The following WIPF1 variants were observed in gnomAD, a reference collection of about 807,000 sequenced individuals.
WIPF1 encodes WAS/WASL interacting protein family member 1.
In WIPF1, 13 loss-of-function variants were observed where a neutral mutation model predicts 35.4. That is an observed-to-expected ratio of 0.37 (90% CI 0.24 to 0.58). The LOEUF (loss-of-function observed/expected upper bound fraction) is 0.58, where lower values mean the gene tolerates loss of function less well. Ranked by LOEUF, WIPF1 falls within the 20% of genes least tolerant of loss-of-function variation. The pLI, the probability that WIPF1 is intolerant of heterozygous loss-of-function variation, is 0.74. For synonymous variants in WIPF1, 267 were observed against 266.3 expected, an observed-to-expected ratio of 1.00 and a Z score of -0.02; for missense variants, 591 against 667.0, an observed-to-expected ratio of 0.89 and a Z score of 1.25.
intron 3 of WIPF1, among the ~76,000 whole-genome samples, chr2:174,577,068 C>T (rs979417182): frequency 6.6e-6 from 1 of 152,072 alleles, no homozygotes; most frequent in South Asian, 2.1e-4. Flanking sequence ...TTATGATATA[C>T]ATTACACATG....
chr2:174,565,038 C>T (rs570995195), intron 7 of WIPF1, among the ~76,000 whole-genome samples: 3 of 151,692 alleles, frequency 2.0e-5, no homozygotes, highest in East Asian at 1.9e-4. Context: ...TGGGATTACA[C>T]GCATGCGCCC....
intron 1 of WIPF1, among the ~76,000 whole-genome samples, chr2:174,646,966 GA>G (rs1168903967): frequency 6.6e-6 from 1 of 152,150 alleles, no homozygotes; most frequent in Non-Finnish European, 1.5e-5. Flanking sequence ...AGGATATTCA[GA>G]AATCAAACGG....
chr2:174,645,440 G>T (rs115958288), intron 1 of WIPF1, among the ~76,000 whole-genome samples: 155 of 152,300 alleles, frequency 1.0e-3, no homozygotes, highest in African/African-American at 3.2e-3. Flanking sequence ...GGTAACTGTG[G>T]CAAGATATGG....
At chr2:174,618,708 G>A (rs1686587766) in intron 1 of WIPF1, among the ~76,000 whole-genome samples, 1 of 152,034 alleles carries the variant, frequency 6.6e-6, no homozygotes, top group African/African-American at 2.4e-5. Flanking sequence ...TTTGACCAAG[G>A]CCACAGAGCT....
chr2:174,591,997 T>C (rs1685631897), intron 1 of WIPF1, among the ~76,000 whole-genome samples: 1 of 152,164 alleles, frequency 6.6e-6, no homozygotes, highest in Non-Finnish European at 1.5e-5. Flanking sequence ...AGGTCAACCA[T>C]AGCTCACAGT....
Position 174,631,019 on chromosome 2 carries a change from T to A in WIPF1, c.-38-45408A>T, listed in dbSNP as rs989956088. ...TTATAATATGAGGTATCTTCAAGTT[T>A]GTGTTTTGGGAGGAAGAGTGGTATA... On this transcript the variant is annotated intron_variant, in intron 1 of 8. Coordinates refer to the WIPF1 transcript ENST00000272746. Among the ~76,000 whole-genome samples the A allele has an allele frequency of 5.9e-5, 9 of 152,348 alleles. No homozygotes were observed. In the East Asian group the frequency reaches 1.5e-3, roughly 26 times the overall value.
At chr2:174,662,425 C>G (rs965826590) in intron 1 of WIPF1, among the ~76,000 whole-genome samples, 7 of 152,200 alleles carry the variant, frequency 4.6e-5, no homozygotes, top group African/African-American at 1.7e-4. Flanking sequence ...CTGTTAGCCT[C>G]TAGAGGACAG....
intron 1 of WIPF1, chr2:174,655,650 C>T (rs930389678): frequency 2.0e-5 from 3 of 152,190 alleles, no homozygotes; most frequent in Non-Finnish European, 4.4e-5. Flanking sequence ...CAACCATCTC[C>T]ACAGGATGAC....
intron 1 of WIPF1, among the ~76,000 whole-genome samples, chr2:174,647,208 A>G (rs971412995): frequency 2.6e-5 from 4 of 152,060 alleles, no homozygotes; most frequent in East Asian, 1.9e-4. Context: ...CCTGTCTCCA[A>G]AACATTTTTT....
intron 1 of WIPF1, among the ~76,000 whole-genome samples, chr2:174,682,229 C>T (rs1688263945): frequency 6.6e-6 from 1 of 152,188 alleles, no homozygotes; most frequent in South Asian, 2.1e-4. Flanking sequence ...CGACCTGGGG[C>T]GAGCGGGCCG....
chr2:174,652,266 T>C (rs1687548366), intron 1 of WIPF1, among the ~76,000 whole-genome samples: 1 of 152,184 alleles, frequency 6.6e-6, no homozygotes, highest in South Asian at 2.1e-4. Context: ...TTAAAATACC[T>C]ACAGTAAATC....
chr2:174,658,194 C>T (rs973663002), intron 1 of WIPF1, among the ~76,000 whole-genome samples: 5 of 152,030 alleles, frequency 3.3e-5, no homozygotes, highest in Admixed American at 1.3e-4. Flanking sequence ...CTAGGAGCAG[C>T]GGGTTTCTGC....
At chr2:174,654,876 A>G (rs1687610014) in intron 1 of WIPF1, among the ~76,000 whole-genome samples, 1 of 152,178 alleles carries the variant, frequency 6.6e-6, no homozygotes, top group Non-Finnish European at 1.5e-5. Context: ...CTACCAGAGG[A>G]CAGGGGAGAA....
rs1687015477 is a variant in WIPF1 at position 174,631,396 on chromosome 2, T to C, written c.-38-45785A>G. 2.0e-5 allele frequency among the ~76,000 whole-genome samples: 3 copies of C among 152,300 alleles called. 1 individual carries two copies. In the South Asian group the frequency reaches 6.2e-4, roughly 32 times the overall value. The stretch of plus-strand genomic sequence containing the variant: ...CAAATATTATATAATTCTACTTATA[T>C]GAGGTACCTAGAAAAGTCAAATTCA... On this transcript the variant is annotated intron_variant, in intron 1 of 8. Transcript: ENST00000272746.
intron 1 of WIPF1, among the ~76,000 whole-genome samples, chr2:174,628,875 A>T (rs1040024225): frequency 2.6e-5 from 4 of 152,262 alleles, no homozygotes; most frequent in African/African-American, 9.6e-5. Flanking sequence ...AGTTGTAAAA[A>T]ATCCAAGATT....
chr2:174,571,871 G>A lies in WIPF1; in HGVS notation c.934C>T (p.Pro312Ser). The A allele has an allele frequency of 1.9e-6, 3 of 1,613,072 alleles. No homozygotes were observed. Among genetic ancestry groups the A allele is most frequent in the Non-Finnish European group, 2.5e-6 (3 of 1,179,642 alleles). Residue 312 changes from proline (P) to serine (S), a missense_variant, in exon 5 of 8, where the codon CCT becomes TCT. Pro to Ser is a moderately conservative substitution (Grantham distance 74). This residue lies in a region of WIPF1 where 471 missense variants were observed against 501.1 expected (regional missense o/e 0.94). Coordinates refer to ENST00000679041, the MANE Select transcript of WIPF1 (RefSeq NM_001375834.1). This position sits in a 1 kb window ranked among gnomAD's most constrained non-coding sequence, Gnocchi z 4.6. ...GGAGGCGGCCCGGGCCTGCTGGGAGGTGGCGGCGGAGGTGGGGCCTGTGAG... is the reference window on the plus strand; with the variant it reads ...GGAGGCGGCCCGGGCCTGCTGGGAGATGGCGGCGGAGGTGGGGCCTGTGAG... ...ASSQAPPPPP[P>S]PSRPGPPPLP... is the part of the protein sequence containing the mutation.
chr2:174,637,390 T>C lies in WIPF1; in HGVS notation c.-39+45384A>G, dbSNP rs1574854315. 2.0e-5 allele frequency among the ~76,000 whole-genome samples: 3 copies of C among 152,264 alleles called. No homozygotes were observed. In the East Asian group the frequency reaches 5.8e-4, roughly 29 times the overall value. ...GAATACAAAAATAAACTGATGGGCC[T>C]AAGAAATGTGTCTTCAATTTTAATT... On this transcript the variant is annotated intron_variant, in intron 1 of 8. Transcript: ENST00000272746.
At chr2:174,577,546 A>T (rs1028735777) in intron 3 of WIPF1, among the ~76,000 whole-genome samples, 1 of 152,208 alleles carries the variant, frequency 6.6e-6, no homozygotes, top group Non-Finnish European at 1.5e-5. Flanking sequence ...TTATAGCATG[A>T]AATTTTATCA....
chr2:174,568,689 T>TA (rs1485089139), intron 5 of WIPF1: 1 of 152,298 alleles, frequency 6.6e-6, no homozygotes, highest in East Asian at 1.9e-4. Flanking sequence ...GACAAACAGC[T>TA]AATCAACATC....
Sources: allele counts gnomAD v4.1 joint callset (sites outside exome capture counted in the v4.1 genomes callset), GRCh38; gene constraint gnomAD v4.1.1; regional missense constraint gnomAD v4.1.1; non-coding constraint Gnocchi (gnomAD v3.1); transcripts MANE v1.5; gene names NCBI Gene and HGNC (gene_info 2026-07-23, HGNC 2026-07-21).